Variants in NOL10 observed in about 807,000 individuals in gnomAD.
NOL10 encodes the protein nucleolar protein 10, also known as H_NH0074G24.1.
A neutral mutation model predicts 103.5 loss-of-function variants in NOL10; 58 were observed. The observed-to-expected ratio is 0.56, with a 90% CI of 0.45 to 0.70. The LOEUF (loss-of-function observed/expected upper bound fraction) is 0.70. Among genes scored for constraint, NOL10 ranks in the 30% least tolerant of loss-of-function variants. The probability of loss-of-function intolerance (pLI) is 0.00; values close to 1 mark genes in which losing one functional copy is unlikely to be tolerated. For missense variants in NOL10, 763 were observed against 807.3 expected, an observed-to-expected ratio of 0.95 and a Z score of 0.67; for synonymous variants, 287 against 282.5, an observed-to-expected ratio of 1.02 and a Z score of -0.16.
At chr2:10,680,969 T>C (rs1048130217) in intron 3 of NOL10, among the ~76,000 whole-genome samples, 1 of 152,194 alleles carries the variant, frequency 6.6e-6, no homozygotes, top group Non-Finnish European at 1.5e-5. Flanking sequence ...CAGAAAATCA[T>C]GTTATAAGTG....
chr2:10,650,311 GT>G, intron 12 of NOL10, among the ~76,000 whole-genome samples: 10 of 124,346 alleles, frequency 8.0e-5, no homozygotes, highest in African/African-American at 1.7e-4. Context: ...CAGGCGCACA[GT>G]GCCACTGCTT....
intron 8 of NOL10, among the ~76,000 whole-genome samples, chr2:10,666,490 G>C (rs146850957): frequency 6.6e-6 from 1 of 151,924 alleles, no homozygotes; most frequent in African/African-American, 2.4e-5. Flanking sequence ...CACCACACCC[G>C]GCTAATTTTT....
At position 10,667,923 on chromosome 2, in the gene NOL10, T is replaced by C. The variant is rs117232640; in HGVS notation, c.531-645A>G. Among the ~76,000 whole-genome samples, 79 of 152,288 alleles carry C rather than the reference T, an allele frequency of 5.2e-4. 2 individuals are homozygous for C. The East Asian group carries it at 0.014, about 26-fold the overall frequency. ...CTTATCACAACATGTTCACCTAACCTTTAAAAATCCTCTCAAAGCAATACG... is the reference window on the plus strand; with the variant it reads ...CTTATCACAACATGTTCACCTAACCCTTAAAAATCCTCTCAAAGCAATACG... On this transcript the variant is annotated intron_variant, in intron 7 of 20. Coordinates refer to ENST00000381685, the MANE Select transcript of NOL10 (RefSeq NM_024894.4).
At chr2:10,657,918 C>T in intron 10 of NOL10, 27 bp from the exon 11 acceptor site, 1 of 1,457,308 alleles carries the variant, frequency 6.9e-7, no homozygotes, top group Non-Finnish European at 9.2e-7. Context: ...TCTGTTTAAA[C>T]AAACTAGACA....
At chr2:10,600,581 A>C (rs559219938) in intron 17 of NOL10, among the ~76,000 whole-genome samples, 1 of 140,780 alleles carries the variant, frequency 7.1e-6, no homozygotes, top group African/African-American at 2.8e-5. Context: ...GACTCTTGCT[A>C]TTGTAGTTTC....
At chr2:10,580,670 A>T (rs1674700447) in intron 19 of NOL10, among the ~76,000 whole-genome samples, 1 of 143,392 alleles carries the variant, frequency 7.0e-6, no homozygotes, top group South Asian at 2.2e-4. Flanking sequence ...ACTAGGAAGA[A>T]AATCAAATTA....
At chr2:10,625,725 C>CA (rs1049691344) in intron 13 of NOL10, among the ~76,000 whole-genome samples, 10 of 150,298 alleles carry the variant, frequency 6.7e-5, no homozygotes, top group East Asian at 3.9e-4. Context: ...CCCACCCCCA[C>CA]AAAAAAAAAG....
intron 8 of NOL10, among the ~76,000 whole-genome samples, chr2:10,666,104 G>A (rs761239468): frequency 1.1e-4 from 16 of 152,006 alleles, no homozygotes; most frequent in Non-Finnish European, 1.8e-4. Flanking sequence ...AGTACCCAAC[G>A]GTTAGCTCCC....
intron 11 of NOL10, among the ~76,000 whole-genome samples, chr2:10,657,449 G>A (rs1333201798): frequency 1.3e-5 from 2 of 151,982 alleles, no homozygotes; most frequent in Admixed American, 6.6e-5. Flanking sequence ...GGGGTTTCTC[G>A]GGTCATAGAT....
intron 16 of NOL10, among the ~76,000 whole-genome samples, chr2:10,601,938 T>C (rs1430740411): frequency 6.6e-6 from 1 of 152,238 alleles, no homozygotes; most frequent in African/African-American, 2.4e-5. Context: ...GTTATACACA[T>C]TGGTATCATT....
chr2:10,629,226 C>T (rs539794281), intron 13 of NOL10, among the ~76,000 whole-genome samples: 1 of 151,640 alleles, frequency 6.6e-6, no homozygotes, highest in African/African-American at 2.4e-5. Flanking sequence ...CAATCAGTAG[C>T]CACTAAAATA....
chr2:10,584,785 T>G (rs529803892), intron 19 of NOL10, among the ~76,000 whole-genome samples: 2 of 152,128 alleles, frequency 1.3e-5, no homozygotes, highest in African/African-American at 2.4e-5. Flanking sequence ...TTAACTTGGT[T>G]ATATTTAACT....
At chr2:10,664,820 C>T (rs932610288) in intron 8 of NOL10, among the ~76,000 whole-genome samples, 1 of 152,182 alleles carries the variant, frequency 6.6e-6, no homozygotes, top group African/African-American at 2.4e-5. Context: ...CGGACGTGAG[C>T]CACCACACCC....
At chr2:10,583,122 C>T (rs1209807692) in intron 19 of NOL10, among the ~76,000 whole-genome samples, 2 of 152,204 alleles carry the variant, frequency 1.3e-5, no homozygotes, top group African/African-American at 4.8e-5. Flanking sequence ...TGGCCCTTTC[C>T]AGTTTTCCTC....
chr2:10,642,202 T>C (rs796543489), intron 13 of NOL10, among the ~76,000 whole-genome samples: 17 of 152,258 alleles, frequency 1.1e-4, no homozygotes, highest in African/African-American at 4.1e-4. Flanking sequence ...TCTATACAGC[T>C]CTCTATCAAT....
chr2:10,663,452 C>G (rs1473285000), intron 8 of NOL10, among the ~76,000 whole-genome samples: 1 of 151,428 alleles, frequency 6.6e-6, no homozygotes, highest in Non-Finnish European at 1.5e-5. Context: ...TAGAAAAAGT[C>G]CTTATTTTTA....
chr2:10,662,455 C>T (rs1680275135), intron 9 of NOL10, among the ~76,000 whole-genome samples: 1 of 152,164 alleles, frequency 6.6e-6, no homozygotes, highest in Non-Finnish European at 1.5e-5. Flanking sequence ...ACCTTCAAAA[C>T]ATGTATGCTA....
At chr2:10,627,679 A>AAAC (rs1558301588) in intron 13 of NOL10, among the ~76,000 whole-genome samples, 59 of 148,862 alleles carry the variant, frequency 4.0e-4, no homozygotes, top group African/African-American at 1.4e-3. Context: ...CGTCTCAAAA[A>AAAC]AAACAAACAA....
intron 4 of NOL10, among the ~76,000 whole-genome samples, chr2:10,673,819 T>C (rs1193716627): frequency 6.6e-6 from 1 of 152,178 alleles, no homozygotes; most frequent in East Asian, 1.9e-4. Flanking sequence ...TAATGACTTC[T>C]AAATTCTGAC....
Sources: gnomAD v4.1 joint callset for allele counts (sites outside exome capture counted in the v4.1 genomes callset) on GRCh38, gnomAD v4.1.1 for gene constraint, MANE v1.5 for transcripts, NCBI Gene and HGNC (gene_info 2026-07-23, HGNC 2026-07-21) for gene names.